DLG2: variants seen among roughly 807,000 people sequenced by gnomAD.
DLG2 encodes discs large MAGUK scaffold protein 2.
DLG2 carries 45 observed loss-of-function variants against 132.5 expected under a neutral mutation model. That is an observed-to-expected ratio of 0.34 (90% CI 0.27 to 0.44). The LOEUF (loss-of-function observed/expected upper bound fraction) is 0.44. Among genes scored for constraint, DLG2 ranks in the 20% least tolerant of loss-of-function variants. The pLI is 1.00. For missense variants in DLG2, 1,045 were observed against 1,196.9 expected (o/e 0.87, Z 1.87); for synonymous variants, 424 against 419.6 (o/e 1.01, Z -0.13).
chr11:84,227,072 C>A (rs7929400), intron 8 of DLG2, among the ~76,000 whole-genome samples: 6 of 151,838 alleles, frequency 4.0e-5, no homozygotes, highest in South Asian at 2.1e-4. Flanking sequence ...GCAACAGAGC[C>A]AGGCTCCATC....
At chr11:84,349,410 C>T (rs1173614777) in intron 7 of DLG2, among the ~76,000 whole-genome samples, 2 of 152,106 alleles carry the variant, frequency 1.3e-5, no homozygotes, top group Non-Finnish European at 2.9e-5. Context: ...TTGAAAATGG[C>T]ATCCTTTCTT....
At chr11:84,943,172 G>A (rs1323286469) in intron 6 of DLG2, among the ~76,000 whole-genome samples, 1 of 128,506 alleles carries the variant, frequency 7.8e-6, no homozygotes, top group Non-Finnish European at 1.6e-5. Context: ...GTGTGCGTGT[G>A]TGTGTGTGTG....
chr11:84,721,311 C>T (rs1191617403), intron 6 of DLG2, among the ~76,000 whole-genome samples: 1 of 152,170 alleles, frequency 6.6e-6, no homozygotes, highest in African/African-American at 2.4e-5. Context: ...AGCGAGCCTA[C>T]TCACTCCCTG....
chr11:85,354,096 T>C lies in DLG2; in HGVS notation c.41-68731A>G, dbSNP rs574906346. 4.1e-4 allele frequency among the ~76,000 whole-genome samples: 62 copies of C among 152,164 alleles called. No individual in the cohort carries two copies. The Middle Eastern group carries it at 0.027, about 67-fold the overall frequency. ...TGTATGCCTAGGTCCTCTCGCACTA[T>C]TCATTTTTTTCTATGCCTCATCTTT... On this transcript the variant is annotated intron_variant, in intron 3 of 27. Transcript: ENST00000376104.
At chr11:84,313,966 G>T (rs1792108871) in intron 7 of DLG2, among the ~76,000 whole-genome samples, 1 of 152,176 alleles carries the variant, frequency 6.6e-6, no homozygotes, top group Non-Finnish European at 1.5e-5. Context: ...ACTTATTTGA[G>T]AGGGACAGAA....
At chr11:83,657,656 A>G (rs1387375872) in intron 18 of DLG2, among the ~76,000 whole-genome samples, 1 of 145,062 alleles carries the variant, frequency 6.9e-6, no homozygotes, top group African/African-American at 2.6e-5. Flanking sequence ...CTCCTGCCTC[A>G]GCCTCCCGAG....
chr11:84,983,222 G>A (rs1267303282), intron 6 of DLG2, among the ~76,000 whole-genome samples: 1 of 152,170 alleles, frequency 6.6e-6, no homozygotes, highest in Non-Finnish European at 1.5e-5. Context: ...GCCCTCTGAA[G>A]GAAGCGGATT....
intron 9 of DLG2, among the ~76,000 whole-genome samples, chr11:84,131,867 T>C (rs1262916587): frequency 6.6e-6 from 1 of 152,102 alleles, no homozygotes; most frequent in Middle Eastern, 3.4e-3. Context: ...AATTGACATA[T>C]AAAACTGGAT....
At chr11:84,929,018 A>ATATC (rs1566426068) in intron 6 of DLG2, among the ~76,000 whole-genome samples, 21 of 125,070 alleles carry the variant, frequency 1.7e-4, no homozygotes, top group Non-Finnish European at 3.4e-4. Context: ...ATATATATAT[A>ATATC]TATATATTAC....
intron 8 of DLG2, among the ~76,000 whole-genome samples, chr11:84,194,406 T>G (rs945478845): frequency 1.3e-5 from 2 of 152,154 alleles, no homozygotes; most frequent in Non-Finnish European, 2.9e-5. Context: ...CAGACCTTCA[T>G]GGTGAGTGTT....
intron 4 of DLG2, among the ~76,000 whole-genome samples, chr11:85,170,299 G>A (rs1299404833): frequency 6.6e-6 from 1 of 152,126 alleles, no homozygotes; most frequent in African/African-American, 2.4e-5. Context: ...GTCTCTGTAT[G>A]ACATTCTTTC....
intron 18 of DLG2, among the ~76,000 whole-genome samples, chr11:83,670,381 G>GAAA (rs35550650): frequency 6.7e-6 from 1 of 149,174 alleles, no homozygotes. Context: ...TGGACATACA[G>GAAA]AAAAAAAAAA....
intron 6 of DLG2, among the ~76,000 whole-genome samples, chr11:84,749,064 G>A (rs1197651413): frequency 6.6e-6 from 1 of 152,146 alleles, no homozygotes; most frequent in Non-Finnish European, 1.5e-5. Flanking sequence ...AGATGGTAGA[G>A]AAATACTTGA....
At chr11:84,815,398 T>A (rs1352259767) in intron 6 of DLG2, among the ~76,000 whole-genome samples, 1 of 152,070 alleles carries the variant, frequency 6.6e-6, no homozygotes, top group Non-Finnish European at 1.5e-5. Context: ...GTCAGTAATA[T>A]CTGGCTTACA....
intron 3 of DLG2, among the ~76,000 whole-genome samples, chr11:85,389,390 T>G (rs2086614638): frequency 6.6e-6 from 1 of 152,166 alleles, no homozygotes; most frequent in African/African-American, 2.4e-5. Context: ...GAATAACTGA[T>G]GCTCCCAAGG....
chr11:84,680,234 T>C (rs2099725314), intron 6 of DLG2, among the ~76,000 whole-genome samples: 1 of 152,162 alleles, frequency 6.6e-6, no homozygotes, highest in South Asian at 2.1e-4. Flanking sequence ...CAAAGCTGTT[T>C]CTTGAAGCTG....
At chr11:84,515,940 G>A (rs1159392165) in intron 7 of DLG2, among the ~76,000 whole-genome samples, 3 of 151,350 alleles carry the variant, frequency 2.0e-5, no homozygotes, top group Non-Finnish European at 4.4e-5. Flanking sequence ...AGAAACTTTG[G>A]AAAATTCACA....
chr11:84,970,684 G>A (rs1274661767), intron 6 of DLG2, among the ~76,000 whole-genome samples: 4 of 152,160 alleles, frequency 2.6e-5, no homozygotes, highest in African/African-American at 7.2e-5. Flanking sequence ...AAGGACACAA[G>A]CATTCAGATC....
intron 3 of DLG2, among the ~76,000 whole-genome samples, chr11:85,578,434 T>G (rs1015652989): frequency 6.6e-6 from 1 of 151,980 alleles, no homozygotes; most frequent in Non-Finnish European, 1.5e-5. Flanking sequence ...CAAAGGAAAC[T>G]CTCAACAGAG....
Sources: allele counts gnomAD v4.1 joint callset (sites outside exome capture counted in the v4.1 genomes callset), GRCh38; gene constraint gnomAD v4.1.1; transcripts MANE v1.5; gene names NCBI Gene and HGNC (gene_info 2026-07-23, HGNC 2026-07-21).